The following CNTNAP5 variants were observed in gnomAD, a reference collection of about 807,000 sequenced individuals.
CNTNAP5 encodes the protein contactin-associated protein-like 5.
CNTNAP5 carries 72 observed loss-of-function variants against 150.2 expected under a neutral mutation model. The observed-to-expected ratio is 0.48, with a 90% confidence interval of 0.40 to 0.58. The LOEUF (loss-of-function observed/expected upper bound fraction) is 0.58. Ranked by LOEUF, CNTNAP5 falls within the 20% of genes least tolerant of loss-of-function variation. The pLI is 0.00. For missense variants in CNTNAP5, 1,636 were observed against 1,626.2 expected, an observed-to-expected ratio of 1.01 and a Z score of -0.10; for synonymous variants, 672 against 619.8, an observed-to-expected ratio of 1.08 and a Z score of -1.25.
In CNTNAP5 at chr2:124,713,322, T is replaced by TC. The variant is rs1558746966; in HGVS notation, c.2078-33906dup. Among the ~76,000 whole-genome samples, 4 of 37,410 alleles carry TC rather than the reference T, an allele frequency of 1.1e-4. 2 individuals carry two copies. Among genetic ancestry groups the TC allele is most frequent in the Non-Finnish European group, 2.2e-4 (4 of 18,530 alleles). The allele number at this position is 37,410 out of a possible 152,430, so 24.5% of individuals were successfully genotyped here. A position where few individuals can be genotyped will look rare whatever the true frequency, so the allele number is the denominator to read the frequency against. ...CTTTCTTCTTTCTCTTTCTTTCCTT[T>TC]CTTTCTTTCTTTCTTTCTTTCTTTC... On this transcript the variant is annotated intron_variant, in intron 13 of 23. Coordinates refer to ENST00000682447, the MANE Select transcript of CNTNAP5 (RefSeq NM_001367498.1).
At chr2:124,386,247 T>C (rs114642256) in intron 3 of CNTNAP5, among the ~76,000 whole-genome samples, 431 of 152,344 alleles carry the variant, frequency 2.8e-3, no homozygotes, top group African/African-American at 3.9e-3. Flanking sequence ...GTGAAGGTCA[T>C]TGGCCAGTAA....
intron 3 of CNTNAP5, among the ~76,000 whole-genome samples, chr2:124,308,312 C>T (rs866769951): frequency 1.2e-4 from 19 of 152,118 alleles, no homozygotes; most frequent in Admixed American, 1.0e-3. Context: ...GCTTACAAAC[C>T]GTTTATCCAT....
intron 12 of CNTNAP5, among the ~76,000 whole-genome samples, chr2:124,635,317 C>T (rs551824024): frequency 2.6e-5 from 4 of 152,056 alleles, no homozygotes; most frequent in African/African-American, 7.2e-5. Context: ...GAACAGTATT[C>T]GGGAGGATAG....
chr2:124,055,249 G>A (rs1374161186), intron 1 of CNTNAP5, among the ~76,000 whole-genome samples: 1 of 152,154 alleles, frequency 6.6e-6, no homozygotes, highest in African/African-American at 2.4e-5. Context: ...CTGTTATCAA[G>A]AGATAAAGTC....
At chr2:124,900,128 T>C (rs1558818868) in intron 21 of CNTNAP5, among the ~76,000 whole-genome samples, 1 of 151,464 alleles carries the variant, frequency 6.6e-6, no homozygotes. Flanking sequence ...TTTGTAAATT[T>C]TGAAGGTTGA....
chr2:124,232,718 G>T (rs973772688), intron 2 of CNTNAP5, among the ~76,000 whole-genome samples: 2 of 151,998 alleles, frequency 1.3e-5, no homozygotes, highest in Admixed American at 1.3e-4. Context: ...CAATGAAAAT[G>T]TTTCATTAAA....
intron 5 of CNTNAP5, among the ~76,000 whole-genome samples, chr2:124,440,227 CAAATT>C (rs1313109457): frequency 1.3e-5 from 2 of 152,082 alleles, no homozygotes; most frequent in Non-Finnish European, 2.9e-5. Flanking sequence ...GATAGCCTGA[CAAATT>C]AAAGGTGGGT....
intron 13 of CNTNAP5, among the ~76,000 whole-genome samples, chr2:124,653,911 A>ACCCCCCCCC (rs70996088): frequency 5.2e-5 from 3 of 57,480 alleles, no homozygotes; most frequent in African/African-American, 1.3e-4. Flanking sequence ...ACTGCCCCCA[A>ACCCCCCCCC]CCCCCCCCCC....
At chr2:124,242,138 A>G in intron 2 of CNTNAP5, 62 bp from the exon 3 acceptor site, 1 of 1,345,224 alleles carries the variant, frequency 7.4e-7, no homozygotes, top group East Asian at 2.5e-5. Flanking sequence ...TTGATAGTTG[A>G]AAATTGTAGC....
intron 19 of CNTNAP5, among the ~76,000 whole-genome samples, chr2:124,803,263 G>T (rs1682010481): frequency 6.6e-6 from 1 of 152,182 alleles, no homozygotes; most frequent in Non-Finnish European, 1.5e-5. Context: ...GCTTCCTAGA[G>T]AGGGTGATGC....
intron 19 of CNTNAP5, among the ~76,000 whole-genome samples, chr2:124,828,735 CAAAAAAAAAAAA>C (rs60339676): frequency 1.3e-3 from 29 of 23,106 alleles, no homozygotes; most frequent in Admixed American, 3.7e-3. Context: ...CAAGTGTTGG[CAAAAAAAAAAAA>C]AAAAAAAAAA....
Position 124,055,672 on chromosome 2 carries a change from T to G in CNTNAP5, c.82+29940T>G, listed in dbSNP as rs557500926. Among the ~76,000 whole-genome samples, 4 of 152,276 alleles carry G rather than the reference T, an allele frequency of 2.6e-5. No individual in the cohort carries two copies. In the East Asian group the frequency reaches 7.7e-4, roughly 29 times the overall value. On this transcript the variant is annotated intron_variant, in intron 1 of 23. Coordinates refer to ENST00000682447, the MANE Select transcript of CNTNAP5 (RefSeq NM_001367498.1). ...CCCATCCTGACCTGGACCTCATAAG[T>G]TGCCCAGCCAGGTTTCTATGACCTT... is the stretch of plus-strand genomic sequence containing the variant.
Position 124,446,798 on chromosome 2 carries a change from T to C in CNTNAP5, c.779T>C (p.Leu260Pro). 6.2e-7 allele frequency: 1 copy of C among 1,613,874 alleles called. No individual in the cohort carries two copies. The highest frequency in any genetic ancestry group is 8.5e-7 in the Non-Finnish European group (1 of 1,179,838). ...AGCAGCAGCTTGCCCTCTGCCACCC[T>C]GGGCAGCCTCCTGGATGACCAGCAC... The part of the protein sequence containing the change: ...RLSSSLPSAT[L>P]GSLLDDQHWH... The change falls in exon 6 of 24, where the codon CTG (leucine) becomes CCG (proline). Residue 260 changes from leucine to proline, a missense_variant. Transcript: ENST00000682447.
At chr2:124,885,607 C>CA (rs1678064490) in intron 21 of CNTNAP5, among the ~76,000 whole-genome samples, 1 of 150,546 alleles carries the variant, frequency 6.6e-6, no homozygotes, top group African/African-American at 2.4e-5. Context: ...ACCCATTAAA[C>CA]AGTCACATCT....
At chr2:124,855,167 C>CTTTTTTTTTTTTTTTT (rs70999224) in intron 19 of CNTNAP5, among the ~76,000 whole-genome samples, 1 of 71,482 alleles carries the variant, frequency 1.4e-5, no homozygotes, top group Non-Finnish European at 2.8e-5. Context: ...TGGGCTTTTG[C>CTTTTTTTTTTTTTTTT]TTTTTTTTTT....
At chr2:124,837,402 C>G (rs1168986719) in intron 19 of CNTNAP5, among the ~76,000 whole-genome samples, 1 of 152,044 alleles carries the variant, frequency 6.6e-6, no homozygotes, top group Non-Finnish European at 1.5e-5. Context: ...TGGACTACAA[C>G]TATAATTCTC....
At chr2:124,086,472 G>C (rs993745612) in intron 1 of CNTNAP5, among the ~76,000 whole-genome samples, 3 of 151,142 alleles carry the variant, frequency 2.0e-5, no homozygotes, top group African/African-American at 7.4e-5. Flanking sequence ...CTAACTGCTG[G>C]GATTACAAGC....
chr2:124,722,297 T>G (rs1320123211), intron 13 of CNTNAP5, among the ~76,000 whole-genome samples: 1 of 152,040 alleles, frequency 6.6e-6, no homozygotes, highest in Non-Finnish European at 1.5e-5. Context: ...CATTAAAATA[T>G]CATTTAAACT....
At chr2:124,634,655 G>T (rs894548194) in intron 12 of CNTNAP5, among the ~76,000 whole-genome samples, 1 of 152,052 alleles carries the variant, frequency 6.6e-6, no homozygotes, top group Non-Finnish European at 1.5e-5. Flanking sequence ...TTACAGGCAT[G>T]CACTACCATG....
Sources: allele counts gnomAD v4.1 joint callset (sites outside exome capture counted in the v4.1 genomes callset), GRCh38; gene constraint gnomAD v4.1.1; transcripts MANE v1.5; gene names NCBI Gene and HGNC (gene_info 2026-07-23, HGNC 2026-07-21).